Variants in STOM observed in about 807,000 individuals in gnomAD.
STOM encodes the protein erythrocyte band 7 integral membrane protein.
A neutral mutation model predicts 30.6 loss-of-function variants in STOM; 25 were observed. That is an observed-to-expected ratio of 0.82 (90% CI 0.60 to 1.14). STOM has a LOEUF of 1.14. Among genes scored for constraint, STOM ranks in the 50% most tolerant of loss-of-function variants. The pLI, the probability that STOM is intolerant of heterozygous loss-of-function variation, is 0.00. For synonymous variants in STOM, 118 were observed against 130.8 expected (o/e 0.90, Z 0.67); for missense variants, 292 against 365.2 (o/e 0.80, Z 1.63).
chr9:121,340,613 G>T lies in STOM; in HGVS notation c.*589C>A, dbSNP rs955892170. The T allele has an allele frequency of 3.5e-6, 2 of 567,520 alleles. No homozygotes were observed. The highest frequency in any genetic ancestry group is 4.5e-6 in the Non-Finnish European group (2 of 448,528). 35.2% of individuals were successfully genotyped at this position (567,520 alleles called of 1,614,324 possible). ...AATAATACAAAAATTAGCTGGGCAT[G>T]GTGGCATGAGCCTGTAATCCCAGCT... On this transcript the variant is annotated 3_prime_UTR_variant, in exon 7 of 7. Coordinates refer to ENST00000286713, the MANE Select transcript of STOM (RefSeq NM_004099.6).
rs772943611 is a variant in STOM, at chr9:121,370,249, G to A, written c.-62C>T. On this transcript the variant is annotated 5_prime_UTR_variant, in exon 1 of 7. Transcript: ENST00000286713. ...TGCCAAACCCGGAGCCGCCGGGAAT[G>A]CCCTGAGGAGCCAGAGGCACAAGAC... 1 of 1,501,568 alleles carries A rather than the reference G, an allele frequency of 6.7e-7. No individual in the cohort carries two copies. Among genetic ancestry groups the A allele is most frequent in the South Asian group, 1.2e-5 (1 of 82,280 alleles). 93.0% of individuals were successfully genotyped at this position (1,501,568 alleles called of 1,614,324 possible). A position where few individuals can be genotyped will look rare whatever the true frequency, so the allele number is the denominator to read the frequency against.
intron 1 of STOM, among the ~76,000 whole-genome samples, chr9:121,369,123 C>T (rs892432785): frequency 6.6e-6 from 1 of 152,148 alleles, no homozygotes; most frequent in Non-Finnish European, 1.5e-5. Context: ...TGGGAAGGAA[C>T]TGAACACAGG....
chr9:121,352,600 A>G (rs1198811949), intron 4 of STOM, among the ~76,000 whole-genome samples: 1 of 152,256 alleles, frequency 6.6e-6, no homozygotes, highest in Non-Finnish European at 1.5e-5. Context: ...AGTAACAGTA[A>G]GAACTTATAT....
Position 121,354,651 on chromosome 9 carries a change from GCTCTTTCATA to G in STOM, c.178_187del (p.Tyr60ProfsTer34). ...AATGCGACCCAATCTAAAGATGATG[GCTCTTTCATA>G]CTCTTTTATAATCTAGAATAAAAAC... is the stretch of plus-strand genomic sequence containing the variant. On this transcript the variant is annotated frameshift_variant, in exon 3 of 7. Transcript: ENST00000286713. LOFTEE classifies it high-confidence loss of function. 6.2e-7 allele frequency: 1 copy of G among 1,611,748 alleles called. No individual in the cohort carries two copies. The highest frequency in any genetic ancestry group is 1.1e-5 in the South Asian group (1 of 90,812).
chr9:121,359,093 G>C (rs761110796), intron 1 of STOM, among the ~76,000 whole-genome samples: 3 of 152,180 alleles, frequency 2.0e-5, no homozygotes, highest in Non-Finnish European at 2.9e-5. Context: ...CACTTGGAAG[G>C]CTTCTGCTGT....
Position 121,370,216 on chromosome 9 carries a change from G to T in STOM, c.-29C>A. The T allele has an allele frequency of 1.3e-6, 2 of 1,542,834 alleles. No homozygotes were observed. Among genetic ancestry groups the T allele is most frequent in the South Asian group, 1.2e-5 (1 of 83,782 alleles). On this transcript the variant is annotated 5_prime_UTR_variant, in exon 1 of 7. Coordinates refer to ENST00000286713, the MANE Select transcript of STOM (RefSeq NM_004099.6). Reference sequence around the variant, plus strand: ...GCCCGAGACGCAGTCGCACTCCCCCGTCCTCGTTGCCAAACCCGGAGCCGC... The same window carrying T: ...GCCCGAGACGCAGTCGCACTCCCCCTTCCTCGTTGCCAAACCCGGAGCCGC...
chr9:121,361,811 C>G (rs2064456018), intron 1 of STOM, among the ~76,000 whole-genome samples: 1 of 152,138 alleles, frequency 6.6e-6, no homozygotes, highest in Non-Finnish European at 1.5e-5. Flanking sequence ...CACCAGGGAC[C>G]AGTTTCGTGG....
chr9:121,356,542 G>A (rs2134036183), intron 1 of STOM, among the ~76,000 whole-genome samples: 1 of 152,328 alleles, frequency 6.6e-6, no homozygotes, highest in Non-Finnish European at 1.5e-5. Context: ...TACAGATATA[G>A]AGTATCTGTT....
chr9:121,353,493 C>A (rs1365667393), intron 3 of STOM, among the ~76,000 whole-genome samples, 191 bp from the exon 4 acceptor site: 1 of 152,226 alleles, frequency 6.6e-6, no homozygotes, highest in Non-Finnish European at 1.5e-5. Flanking sequence ...CCACTAAGGT[C>A]TGTGGAGTTC....
At chr9:121,342,519 G>A (rs1244507082) in intron 6 of STOM, among the ~76,000 whole-genome samples, 1 of 152,048 alleles carries the variant, frequency 6.6e-6, no homozygotes, top group Non-Finnish European at 1.5e-5. Context: ...ATGACAAAAT[G>A]TATGTTAGGA....
chr9:121,361,853 A>G (rs2064456334), intron 1 of STOM, among the ~76,000 whole-genome samples: 1 of 152,128 alleles, frequency 6.6e-6, no homozygotes, highest in South Asian at 2.1e-4. Context: ...AGGGTTGGGG[A>G]ACATGGTTTT....
At chr9:121,366,234 GAGTTCA>G (rs1382518986) in intron 1 of STOM, 2 of 985,188 alleles carry the variant, frequency 2.0e-6, no homozygotes, top group African/African-American at 3.5e-5. Context: ...CAAATGCTTG[GAGTTCA>G]AGTTTCTTTA....
rs1225526091 is a variant in STOM, at chr9:121,356,064, T to A, written c.154A>T (p.Met52Leu). Residue 52 changes from methionine (M) to leucine (L), a missense_variant, in exon 2 of 7, where the codon ATG becomes TTG. Coordinates refer to ENST00000286713, the MANE Select transcript of STOM (RefSeq NM_004099.6). ...TVITFPISIW[M>L]CIKIIKEYER... ...GAAATGTTCTTTACCTTTATGCACATCCATATTGAGATTGGGAAAGTTATA... is the reference window on the plus strand; with the variant it reads ...GAAATGTTCTTTACCTTTATGCACAACCATATTGAGATTGGGAAAGTTATA... The A allele has an allele frequency of 1.2e-6, 2 of 1,613,860 alleles. No homozygotes were observed. The highest frequency in any genetic ancestry group is 2.7e-5 in the African/African-American group (2 of 74,884).
intron 1 of STOM, among the ~76,000 whole-genome samples, chr9:121,369,677 G>A (rs1365736356): frequency 6.6e-6 from 1 of 152,124 alleles, no homozygotes; most frequent in Non-Finnish European, 1.5e-5. Context: ...GGGGGAGGAG[G>A]GGGTTCACCC....
At chr9:121,352,471 C>T (rs1378517521) in intron 4 of STOM, among the ~76,000 whole-genome samples, 1 of 152,190 alleles carries the variant, frequency 6.6e-6, no homozygotes, top group Non-Finnish European at 1.5e-5. Flanking sequence ...ATGCTTGATG[C>T]ATGGCAAATT....
chr9:121,349,034 A>G, intron 5 of STOM, 86 bp downstream of exon 5: 1 of 1,447,320 alleles, frequency 6.9e-7, no homozygotes, highest in Non-Finnish European at 9.4e-7. Context: ...CCACAACTTG[A>G]ATTAATAAAA....
At chr9:121,352,580 C>T (rs2064348699) in intron 4 of STOM, among the ~76,000 whole-genome samples, 1 of 152,136 alleles carries the variant, frequency 6.6e-6, no homozygotes, top group Admixed American at 6.5e-5. Context: ...TGCAAAGGGC[C>T]AACTGTAATA....
At chr9:121,360,159 T>C (rs2134040790) in intron 1 of STOM, among the ~76,000 whole-genome samples, 1 of 152,336 alleles carries the variant, frequency 6.6e-6, no homozygotes, top group African/African-American at 2.4e-5. Flanking sequence ...TCCTGCATAG[T>C]AGAATAGATA....
chr9:121,340,581 C>CAAT lies in STOM; in HGVS notation c.*618_*620dup. 4 of 590,786 alleles carry CAAT rather than the reference C, an allele frequency of 6.8e-6. No individual in the cohort carries two copies. Among genetic ancestry groups the CAAT allele is most frequent in the Middle Eastern group, 1.7e-3 (2 of 1,172 alleles). 36.6% of individuals were successfully genotyped at this position (590,786 alleles called of 1,614,324 possible). ...GTGAAACCCCGTCTCTACTAAAAAA[C>CAAT]AATAATAATAATACAAAAATTAGCT... On this transcript the variant is annotated 3_prime_UTR_variant, in exon 7 of 7. Transcript: ENST00000286713.
Sources: allele counts gnomAD v4.1 joint callset (sites outside exome capture counted in the v4.1 genomes callset), GRCh38; gene constraint gnomAD v4.1.1; transcripts MANE v1.5; gene names NCBI Gene and HGNC (gene_info 2026-07-23, HGNC 2026-07-21).